NHS: variants seen among roughly 807,000 people sequenced by gnomAD.
NHS encodes the protein NHS actin remodeling regulator.
NHS carries 5 observed loss-of-function variants against 72.5 expected under a neutral mutation model. The observed-to-expected ratio is 0.07, with a 90% confidence interval of 0.04 to 0.14. The LOEUF is 0.14. NHS is among the 10% of genes least tolerant of loss of function. The pLI is 1.00. For missense variants in NHS, 1,072 were observed against 1,355.7 expected, an observed-to-expected ratio of 0.79 and a Z score of 3.29; for synonymous variants, 464 against 547.7, an observed-to-expected ratio of 0.85 and a Z score of 2.13.
At position 17,472,563 on chromosome X, in the gene NHS, A is replaced by G. The variant is rs149766928; in HGVS notation, c.565+96241A>G. On this transcript the variant is annotated intron_variant, in intron 1 of 8. Coordinates refer to ENST00000676302, the MANE Select transcript of NHS (RefSeq NM_001291867.2). Reference sequence around the variant, plus strand: ...TTTGATTCTAAATGCAGGGAAGGACATTCTCTGCAAGGCAGAGCAACTTTC... The same window carrying G: ...TTTGATTCTAAATGCAGGGAAGGACGTTCTCTGCAAGGCAGAGCAACTTTC... Among the ~76,000 whole-genome samples the G allele has an allele frequency of 9.6e-3, 1,081 of 112,378 alleles. 17 individuals carry two copies. The highest frequency in any genetic ancestry group is 0.033 in the African/African-American group (1,024 of 30,952).
At chrX:17,701,654 G>A (rs1469865443) in intron 3 of NHS, among the ~76,000 whole-genome samples, 5 of 111,456 alleles carry the variant, frequency 4.5e-5, no homozygotes, top group African/African-American at 6.5e-5. Context: ...TGAAACCGGA[G>A]GGAAGGTCAT....
intron 1 of NHS, among the ~76,000 whole-genome samples, chrX:17,410,260 A>C (rs1388342738): frequency 2.7e-5 from 3 of 111,076 alleles, no homozygotes; most frequent in Non-Finnish European, 5.7e-5. Flanking sequence ...CATCCTTCTG[A>C]AAATGATACC....
Position 17,605,493 on chromosome X carries a change from G to A in NHS, c.566-82249G>A, listed in dbSNP as rs751674893. Among the ~76,000 whole-genome samples the A allele has an allele frequency of 3.6e-5, 4 of 111,379 alleles. No homozygotes were observed. In the South Asian group the frequency reaches 1.6e-3, roughly 43 times the overall value. ...TTAGATTTTCTTCTCTTTCTTTGGG[G>A]CTCATAATGTTTTCCCTGGTGGTGC... On this transcript the variant is annotated intron_variant, in intron 1 of 8. Transcript: ENST00000676302.
intron 1 of NHS, among the ~76,000 whole-genome samples, chrX:17,561,826 C>T (rs1026911442): frequency 1.8e-5 from 2 of 108,815 alleles, no homozygotes; most frequent in Non-Finnish European, 3.8e-5. Flanking sequence ...CAAAATAGGG[C>T]AATAAAATGT....
intron 1 of NHS, among the ~76,000 whole-genome samples, chrX:17,471,993 G>A (rs1412328192): frequency 1.8e-5 from 2 of 111,494 alleles, no homozygotes; most frequent in Non-Finnish European, 3.8e-5. Context: ...ACACTGAATG[G>A]TTTCACAGCA....
intron 8 of NHS, 75 bp downstream of exon 8, chrX:17,728,850 A>G: frequency 8.7e-7 from 1 of 1,143,931 alleles, no homozygotes; most frequent in Non-Finnish European, 1.2e-6. Context: ...CTTCTCACAA[A>G]TGCAAATACA....
At chrX:17,676,418 A>AT (rs1444954833) in intron 1 of NHS, among the ~76,000 whole-genome samples, 1 of 112,158 alleles carries the variant, frequency 8.9e-6, no homozygotes, top group African/African-American at 3.2e-5. Flanking sequence ...TCAAGAAACT[A>AT]TGAGTACTAA....
chrX:17,498,223 A>G (rs772278771), intron 1 of NHS, among the ~76,000 whole-genome samples: 1 of 112,159 alleles, frequency 8.9e-6, no homozygotes, highest in Non-Finnish European at 1.9e-5. Context: ...TGGTCTTTCC[A>G]ATGGAAACGC....
chrX:17,627,312 C>T (rs948233653), intron 1 of NHS, among the ~76,000 whole-genome samples: 4 of 112,274 alleles, frequency 3.6e-5, no homozygotes, highest in Admixed American at 1.9e-4. Flanking sequence ...AATGATTTCA[C>T]GCTAAATGAC....
intron 1 of NHS, among the ~76,000 whole-genome samples, chrX:17,573,313 A>G (rs756765899): frequency 3.6e-5 from 4 of 111,362 alleles, no homozygotes; most frequent in Non-Finnish European, 7.5e-5. Context: ...TTTCAGGTAC[A>G]CCAATCAAAG....
At chrX:17,393,954 C>G (rs1213677412) in intron 1 of NHS, among the ~76,000 whole-genome samples, 1 of 111,533 alleles carries the variant, frequency 9.0e-6, no homozygotes, top group Non-Finnish European at 1.9e-5. Flanking sequence ...GTTTCCCTGA[C>G]TCCGTTGCTG....
intron 1 of NHS, among the ~76,000 whole-genome samples, chrX:17,396,940 A>G (rs1181800933): frequency 1.8e-5 from 2 of 111,876 alleles, no homozygotes; most frequent in East Asian, 2.8e-4. Context: ...ATTTTTTTTC[A>G]TACTCATTCC....
At chrX:17,385,663 G>A (rs1452144945) in intron 1 of NHS, among the ~76,000 whole-genome samples, 1 of 111,646 alleles carries the variant, frequency 9.0e-6, no homozygotes, top group East Asian at 2.8e-4. Flanking sequence ...CTGCACAAAC[G>A]TGCTCAAAGC....
chrX:17,665,317 G>GTTT (rs2066004798), intron 1 of NHS, among the ~76,000 whole-genome samples: 2 of 78,744 alleles, frequency 2.5e-5, no homozygotes, highest in Non-Finnish European at 4.8e-5. Flanking sequence ...ATTACCTATA[G>GTTT]ATTTTTTTTT....
At chrX:17,475,548 T>C (rs2064913131) in intron 1 of NHS, among the ~76,000 whole-genome samples, 1 of 111,580 alleles carries the variant, frequency 9.0e-6, no homozygotes, top group South Asian at 3.8e-4. Context: ...TTAGGACAAA[T>C]TTGCATCTTA....
chrX:17,624,667 C>T (rs1200478402), intron 1 of NHS, among the ~76,000 whole-genome samples: 1 of 113,450 alleles, frequency 8.8e-6, no homozygotes, highest in East Asian at 2.7e-4. Flanking sequence ...TGGTGTGAAA[C>T]ACCAGAATTT....
At chrX:17,591,685 C>T (rs759888382) in intron 1 of NHS, among the ~76,000 whole-genome samples, 1 of 111,779 alleles carries the variant, frequency 8.9e-6, no homozygotes, top group African/African-American at 3.2e-5. Flanking sequence ...CAAATCCATA[C>T]TGTGTGAAAT....
At chrX:17,394,864 T>C (rs1045618797) in intron 1 of NHS, among the ~76,000 whole-genome samples, 2 of 111,519 alleles carry the variant, frequency 1.8e-5, no homozygotes, top group African/African-American at 6.5e-5. Context: ...CCCCGACATT[T>C]CGTGTGTGAC....
chrX:17,622,665 C>A (rs2065779469), intron 1 of NHS, among the ~76,000 whole-genome samples: 1 of 111,930 alleles, frequency 8.9e-6, no homozygotes, highest in South Asian at 3.7e-4. Flanking sequence ...AGTAAGCAAG[C>A]CATGACCAGA....
Sources: allele counts gnomAD v4.1 joint callset (sites outside exome capture counted in the v4.1 genomes callset), GRCh38; gene constraint gnomAD v4.1.1; transcripts MANE v1.5; gene names NCBI Gene and HGNC (gene_info 2026-07-23, HGNC 2026-07-21).